Variants in ACO2 observed in about 807,000 individuals in gnomAD.
The protein encoded by ACO2 is aconitase 2, also known as aconitate hydratase, mitochondrial.
In ACO2, 31 loss-of-function variants were observed where a neutral mutation model predicts 84.5. That is an observed-to-expected ratio of 0.37 (90% CI 0.28 to 0.50). The LOEUF (loss-of-function observed/expected upper bound fraction) is 0.50. ACO2 is among the 20% of genes least tolerant of loss of function. The probability of loss-of-function intolerance (pLI) is 0.97; values close to 1 mark genes in which losing one functional copy is unlikely to be tolerated. For synonymous variants in ACO2, 414 were observed against 412.7 expected, an observed-to-expected ratio of 1.00 and a Z score of -0.04; for missense variants, 685 against 1,029.3, an observed-to-expected ratio of 0.67 and a Z score of 4.58.
intron 1 of ACO2, among the ~76,000 whole-genome samples, chr22:41,474,827 C>T (rs574397664): frequency 6.6e-6 from 1 of 151,894 alleles, no homozygotes; most frequent in African/African-American, 2.4e-5. Flanking sequence ...TCTCGATCTC[C>T]TGACCTCATG....
rs146824396 is a variant in ACO2 at position 41,526,639 on chromosome 22, T to C, written c.1953+186T>C. The C allele has an allele frequency of 0.018, 10,039 of 571,536 alleles. 126 individuals are homozygous for C. Among genetic ancestry groups the C allele is most frequent in the South Asian group, 0.025 (860 of 34,796 alleles). 35.4% of individuals were successfully genotyped at this position (571,536 alleles called of 1,614,324 possible). Reference sequence around the variant, plus strand: ...TGGCTGAGAAGGCATGAGGCCCAGGTCCGGTGGTACAGCCGGGTCCCTGCA... The same window carrying C: ...TGGCTGAGAAGGCATGAGGCCCAGGCCCGGTGGTACAGCCGGGTCCCTGCA... On this transcript the variant is annotated intron_variant, in intron 15 of 17. Transcript: ENST00000216254.
Position 41,478,767 on chromosome 22 carries a change from T to C in ACO2, c.36+9585T>C, listed in dbSNP as rs868329600. 4.9e-3 allele frequency among the ~76,000 whole-genome samples: 727 copies of C among 148,022 alleles called. 6 individuals are homozygous for C. Among genetic ancestry groups the C allele is most frequent in the African/African-American group, 0.014 (553 of 40,154 alleles). On this transcript the variant is annotated intron_variant, in intron 1 of 17. Coordinates refer to ENST00000216254, the MANE Select transcript of ACO2 (RefSeq NM_001098.3). Reference sequence around the variant, plus strand: ...CCCTGTCCCTGCCACATATCTTCTTTTTTTTTTTTTTTTTTTTGAGAAGGA... The same window carrying C: ...CCCTGTCCCTGCCACATATCTTCTTCTTTTTTTTTTTTTTTTTGAGAAGGA...
intron 2 of ACO2, 133 bp from the exon 3 acceptor site, chr22:41,507,658 C>T (rs529079668): frequency 1.3e-5 from 17 of 1,276,520 alleles, no homozygotes; most frequent in Admixed American, 1.3e-4. Context: ...CCAAGTGGAA[C>T]GTTGAGGTCC....
chr22:41,502,766 G>A (rs908904895), intron 2 of ACO2, among the ~76,000 whole-genome samples: 2 of 152,092 alleles, frequency 1.3e-5, no homozygotes, highest in African/African-American at 4.8e-5. Flanking sequence ...GCATCACCAT[G>A]CCCAGGTAAT....
intron 2 of ACO2, among the ~76,000 whole-genome samples, chr22:41,500,490 T>G (rs2066346800): frequency 6.6e-6 from 1 of 151,582 alleles, no homozygotes; most frequent in African/African-American, 2.4e-5. Context: ...GTTGGAACGA[T>G]TCTTGTGCCT....
chr22:41,485,561 C>T (rs2038143212), intron 1 of ACO2, among the ~76,000 whole-genome samples: 1 of 151,528 alleles, frequency 6.6e-6, no homozygotes, highest in African/African-American at 2.4e-5. Context: ...CTGCCTCAGC[C>T]TCTCGAGTAG....
chr22:41,506,339 G>T (rs925002407), intron 2 of ACO2, among the ~76,000 whole-genome samples: 1 of 151,656 alleles, frequency 6.6e-6, no homozygotes, highest in Admixed American at 6.6e-5. Context: ...TGCAAGCTCC[G>T]CCTCCCGGGT....
Position 41,526,405 on chromosome 22 carries a change from C to G in ACO2, c.1905C>G (p.Ala635=). The part of the protein sequence containing the change: ...ENGKANSVRN[A]VTQEFGPVPD... The stretch of plus-strand genomic sequence containing the variant: ...GCAAGGCCAACTCCGTGCGCAATGC[C>G]GTCACTCAGGAGTTTGGCCCCGTCC... The change falls in exon 15 of 18, where the codon GCC becomes GCG. Residue 635 remains alanine (A), a synonymous_variant. Coordinates refer to ENST00000216254, the MANE Select transcript of ACO2 (RefSeq NM_001098.3). 6.2e-7 allele frequency: 1 copy of G among 1,613,896 alleles called. No homozygotes were observed. Among genetic ancestry groups the G allele is most frequent in the Non-Finnish European group, 8.5e-7 (1 of 1,179,986 alleles).
At chr22:41,494,613 G>A (rs1240675485) in intron 1 of ACO2, among the ~76,000 whole-genome samples, 2 of 151,810 alleles carry the variant, frequency 1.3e-5, no homozygotes, top group African/African-American at 2.4e-5. Flanking sequence ...GTTTCACCAC[G>A]TTGGTCAGGC....
chr22:41,507,095 C>T (rs568583149), intron 2 of ACO2, among the ~76,000 whole-genome samples: 2 of 151,992 alleles, frequency 1.3e-5, no homozygotes, highest in African/African-American at 2.4e-5. Context: ...GTGGGGCCTC[C>T]GGGGAAATGG....
intron 14 of ACO2, chr22:41,525,684 C>T (rs1419576233): frequency 6.4e-6 from 2 of 311,384 alleles, no homozygotes; most frequent in Non-Finnish European, 1.2e-5. Context: ...GCACAGCAGG[C>T]TCCACACCTG....
Position 41,500,471 on chromosome 22 carries a change from G to T in ACO2, c.173+609G>T, listed in dbSNP as rs191927491. On this transcript the variant is annotated intron_variant, in intron 2 of 17. Transcript: ENST00000216254. ...GCAATCTTGGCTCACTGCAACCTCTGTCTCCCCAGTTGGAACGATTCTTGT... is the reference window on the plus strand; with the variant it reads ...GCAATCTTGGCTCACTGCAACCTCTTTCTCCCCAGTTGGAACGATTCTTGT... 3.6e-4 allele frequency among the ~76,000 whole-genome samples: 54 copies of T among 151,414 alleles called. 1 individual carries two copies. Among genetic ancestry groups the T allele is most frequent in the African/African-American group, 1.2e-3 (51 of 41,302 alleles).
intron 1 of ACO2, among the ~76,000 whole-genome samples, chr22:41,483,407 AG>A (rs1215526664): frequency 1.3e-5 from 2 of 152,250 alleles, no homozygotes; most frequent in Admixed American, 6.5e-5. Context: ...CTGTAATCCC[AG>A]CACTTTGGGA....
chr22:41,512,009 A>G, intron 4 of ACO2, 41 bp downstream of exon 4: 1 of 1,546,206 alleles, frequency 6.5e-7, no homozygotes, highest in Admixed American at 1.9e-5. Flanking sequence ...GGCCCAAGCC[A>G]GAGAAGTATG....
At chr22:41,469,294 G>T (rs1275746069) in intron 1 of ACO2, 112 bp downstream of exon 1, 2 of 1,331,382 alleles carry the variant, frequency 1.5e-6, no homozygotes, top group South Asian at 1.4e-5. Flanking sequence ...AACTTCTCGT[G>T]TACCTGTCCC....
chr22:41,483,520 G>C (rs1041213623), intron 1 of ACO2, among the ~76,000 whole-genome samples: 5 of 152,104 alleles, frequency 3.3e-5, no homozygotes, highest in Admixed American at 2.0e-4. Context: ...AGCTGGGCGT[G>C]GTGGTGCATG....
intron 1 of ACO2, among the ~76,000 whole-genome samples, chr22:41,485,739 G>A (rs934975775): frequency 6.6e-6 from 1 of 151,188 alleles, no homozygotes; most frequent in African/African-American, 2.4e-5. Flanking sequence ...CACGGCGCTC[G>A]GCCCGCCCGG....
At position 41,528,465 on chromosome 22, in the gene ACO2, C is replaced by T; in HGVS notation, c.2209-14C>T. The T allele has an allele frequency of 6.2e-7, 1 of 1,611,444 alleles. No homozygotes were observed. The highest frequency in any genetic ancestry group is 8.5e-7 in the Non-Finnish European group (1 of 1,179,664). On this transcript the variant is annotated splice_polypyrimidine_tract_variant and intron_variant, in intron 17 of 17. Coordinates refer to ENST00000216254, the MANE Select transcript of ACO2 (RefSeq NM_001098.3). ...TACCCACCACTTCCACCCACACCCA[C>T]CTTCTCCTTGCAGCCCCTGAAGTGC...
At chr22:41,526,062 G>T in intron 14 of ACO2, 200 bp from the exon 15 acceptor site, 1 of 539,832 alleles carries the variant, frequency 1.9e-6, no homozygotes, top group Non-Finnish European at 3.3e-6. Context: ...CCTTTGAGGG[G>T]ATGAAGGCCT....
Sources: allele counts gnomAD v4.1 joint callset (sites outside exome capture counted in the v4.1 genomes callset), GRCh38; gene constraint gnomAD v4.1.1; transcripts MANE v1.5; gene names NCBI Gene and HGNC (gene_info 2026-07-23, HGNC 2026-07-21).